OVCH2: variants seen among roughly 807,000 people sequenced by gnomAD.
OVCH2 encodes the protein ovochymase-2.
In OVCH2, 88 loss-of-function variants were observed where a neutral mutation model predicts 73.7. The ratio of observed to expected loss-of-function variants is 1.19; its 90% CI spans 1.01 to 1.43. The LOEUF (loss-of-function observed/expected upper bound fraction) is 1.43. OVCH2 is among the 40% of genes most tolerant of loss of function. The pLI, the probability that OVCH2 is intolerant of heterozygous loss-of-function variation, is 0.00. For synonymous variants in OVCH2, 265 were observed against 234.5 expected, an observed-to-expected ratio of 1.13 and a Z score of -1.19; for missense variants, 706 against 674.5, an observed-to-expected ratio of 1.05 and a Z score of -0.52.
chr11:7,704,688 G>A lies in OVCH2; in HGVS notation c.89-14C>T, dbSNP rs374754273. The A allele has an allele frequency of 1.0e-4, 159 of 1,544,954 alleles. 1 individual carries two copies. The highest frequency in any genetic ancestry group is 7.4e-4 in the South Asian group (65 of 87,502). ...CACAACTGGGAGCTGAGAAAAAAAC[G>A]AGACAAACTAAATGATTAGATAGCT... On this transcript the variant is annotated splice_polypyrimidine_tract_variant and intron_variant, in intron 1 of 15. Transcript: ENST00000533663.
chr11:7,703,516 T>A (rs1488275754), intron 3 of OVCH2, among the ~76,000 whole-genome samples, 182 bp downstream of exon 3: 1 of 152,198 alleles, frequency 6.6e-6, no homozygotes, highest in Non-Finnish European at 1.5e-5. Context: ...ATATATGTCA[T>A]CTACCAAGTG....
chr11:7,695,434 G>C (rs1420383968), intron 11 of OVCH2, 136 bp downstream of exon 11: 1 of 977,288 alleles, frequency 1.0e-6, no homozygotes, highest in Non-Finnish European at 1.5e-6. Flanking sequence ...CTGTTCTCTA[G>C]TTGGCCTGTG....
At position 7,698,640 on chromosome 11, in the gene OVCH2, A is replaced by G. The variant is rs564274084; in HGVS notation, c.925+110T>C. The G allele has an allele frequency of 4.5e-5, 52 of 1,146,660 alleles. No homozygotes were observed. In the East Asian group the frequency reaches 1.4e-3, roughly 31 times the overall value. The allele number at this position is 1,146,660 out of a possible 1,614,324, so 71.0% of individuals were successfully genotyped here. On this transcript the variant is annotated intron_variant, in intron 8 of 15. Transcript: ENST00000533663. ...TAGGTGCTCCAGGTGGTAGTTTTAGACCTACTGAGCAGGGAGCGCTCTTGG... is the reference window on the plus strand; with the variant it reads ...TAGGTGCTCCAGGTGGTAGTTTTAGGCCTACTGAGCAGGGAGCGCTCTTGG...
Position 7,701,308 on chromosome 11 carries a change from C to A in OVCH2, c.711+16G>T, listed in dbSNP as rs534901560. 1.2e-6 allele frequency: 2 copies of A among 1,602,554 alleles called. No homozygotes were observed. The highest frequency in any genetic ancestry group is 3.5e-5 in the Admixed American group (2 of 57,586). On this transcript the variant is annotated intron_variant, in intron 6 of 15. Coordinates refer to ENST00000533663, the MANE Select transcript of OVCH2 (RefSeq NM_198185.7). ...ATCCTTGCCTGGGGCCTGACAGCCC[C>A]GCAGCTCCCACCCACCTGACATGCG...
intron 10 of OVCH2, 36 bp from the exon 11 acceptor site, chr11:7,695,746 T>C: frequency 6.4e-7 from 1 of 1,572,354 alleles, no homozygotes; most frequent in Non-Finnish European, 8.6e-7. Flanking sequence ...TTGTTCAGAA[T>C]CTAGAAAATA....
chr11:7,706,128 C>T, intron 1 of OVCH2, 179 bp downstream of exon 1: 1 of 584,202 alleles, frequency 1.7e-6, no homozygotes, highest in Non-Finnish European at 2.9e-6. Context: ...AATGTTTCAC[C>T]CTGTGTCCTA....
At chr11:7,680,633 A>C in the OVCH2 span, among the ~76,000 whole-genome samples, 2 of 152,202 alleles carry the variant, frequency 1.3e-5, no homozygotes, top group East Asian at 3.9e-4. Context: ...CTAGAGGCTA[A>C]AAGGCAAAGA....
At chr11:7,689,763 G>A in intron 15 of OVCH2, 161 bp from the exon 16 acceptor site, 1 of 690,218 alleles carries the variant, frequency 1.4e-6, no homozygotes, top group Non-Finnish European at 2.6e-6. Context: ...GATTAACTCT[G>A]TAACAACCCT....
the OVCH2 span, among the ~76,000 whole-genome samples, chr11:7,683,643 T>C: frequency 6.6e-6 from 1 of 152,184 alleles, no homozygotes; most frequent in Non-Finnish European, 1.5e-5. Flanking sequence ...CCAATGTTTT[T>C]ACCTTAGCCC....
At chr11:7,682,584 T>A in the OVCH2 span, among the ~76,000 whole-genome samples, 2 of 152,200 alleles carry the variant, frequency 1.3e-5, no homozygotes, top group Non-Finnish European at 2.9e-5. Flanking sequence ...CCTCTGCATT[T>A]CCTCCAGTTA....
At chr11:7,685,811 C>T (rs1199522136), downstream of OVCH2, among the ~76,000 whole-genome samples, 1 of 152,204 alleles carries the variant, frequency 6.6e-6, no homozygotes, top group African/African-American at 2.4e-5. Flanking sequence ...AGGCATGTCA[C>T]AGGTGTTCAG....
downstream of OVCH2, among the ~76,000 whole-genome samples, chr11:7,687,626 G>A (rs12792768): frequency 0.15 from 23,499 of 152,026 alleles, 1,880 homozygotes; most frequent in Middle Eastern, 0.18. Context: ...CAACATCCCA[G>A]TGGCCAAATC....
At chr11:7,688,186 C>T (rs1856164057), downstream of OVCH2, among the ~76,000 whole-genome samples, 1 of 151,990 alleles carries the variant, frequency 6.6e-6, no homozygotes, top group Non-Finnish European at 1.5e-5. Context: ...TCTCTTTTTC[C>T]TCTAAAAATA....
At chr11:7,698,714 G>A (rs746149384) in intron 8 of OVCH2, 36 bp downstream of exon 8, 3 of 1,597,564 alleles carry the variant, frequency 1.9e-6, no homozygotes, top group South Asian at 1.1e-5. Context: ...ATGTTAATTT[G>A]TGCTCCTGAT....
intron 7 of OVCH2, 82 bp from the exon 8 acceptor site, chr11:7,698,855 A>C: frequency 6.9e-7 from 1 of 1,447,512 alleles, no homozygotes; most frequent in Non-Finnish European, 9.5e-7. Context: ...TTCTTGGCGC[A>C]CAAGAGATTT....
chr11:7,703,493 A>G (rs936543444), intron 3 of OVCH2, among the ~76,000 whole-genome samples: 5 of 152,122 alleles, frequency 3.3e-5, no homozygotes, highest in Admixed American at 6.6e-5. Context: ...AACGAATTTT[A>G]CCTCTGAAAA....
chr11:7,681,256 G>A, the OVCH2 span, among the ~76,000 whole-genome samples: 1 of 152,146 alleles, frequency 6.6e-6, no homozygotes, highest in Non-Finnish European at 1.5e-5. Context: ...CCCTTTTCAA[G>A]GATTTTAGAC....
the OVCH2 span, among the ~76,000 whole-genome samples, chr11:7,681,879 TGAAG>T: frequency 7.8e-6 from 1 of 128,306 alleles, no homozygotes; most frequent in Non-Finnish European, 1.7e-5. Context: ...AAAAGAAAAA[TGAAG>T]GGACGCATTC....
chr11:7,700,275 C>G, intron 7 of OVCH2, 21 bp downstream of exon 7: 1 of 1,611,110 alleles, frequency 6.2e-7, no homozygotes. Context: ...GCTTCTTAAC[C>G]TTGTGTGATG....
Sources: allele counts gnomAD v4.1 joint callset (sites outside exome capture counted in the v4.1 genomes callset), GRCh38; gene constraint gnomAD v4.1.1; transcripts MANE v1.5; gene names NCBI Gene and HGNC (gene_info 2026-07-23, HGNC 2026-07-21).